Variants in NRIP1 observed in about 807,000 individuals in gnomAD.
NRIP1 encodes the protein nuclear receptor interacting protein 1.
NRIP1 carries 28 observed loss-of-function variants against 75.0 expected under a neutral mutation model. The ratio of observed to expected loss-of-function variants is 0.37; its 90% CI spans 0.28 to 0.51. The LOEUF (loss-of-function observed/expected upper bound fraction) is 0.51, where lower values mean the gene tolerates loss of function less well. NRIP1 is among the 20% of genes least tolerant of loss of function. The probability of loss-of-function intolerance (pLI) is 0.92; values close to 1 mark genes in which losing one functional copy is unlikely to be tolerated. For synonymous variants in NRIP1, 526 were observed against 487.6 expected (o/e 1.08, Z -1.04); for missense variants, 1,435 against 1,343.7 (o/e 1.07, Z -1.06).
rs2086731537 is a variant in NRIP1 at position 14,966,134 on chromosome 21, A to G, written c.2059T>C (p.Phe687Leu). ...KTNAVEENKA[F>L]SSQPTGPEPG... ...TCAGGACCTGTTGGTTGACTACTAA[A>G]TGCTTTATTTTCTTCAACTGCATTT... Residue 687 changes from phenylalanine to leucine, a missense_variant, in exon 4 of 4, where the codon TTT becomes CTT. By Grantham distance (22) the Phe-to-Leu change is conservative (BLOSUM62 0). Coordinates refer to ENST00000318948, the MANE Select transcript of NRIP1 (RefSeq NM_003489.4). 6.2e-7 allele frequency: 1 copy of G among 1,612,916 alleles called. No homozygotes were observed. The highest frequency in any genetic ancestry group is 8.5e-7 in the Non-Finnish European group (1 of 1,179,962).
chr21:14,993,519 C>A (rs2087629714), intron 3 of NRIP1, among the ~76,000 whole-genome samples: 1 of 152,074 alleles, frequency 6.6e-6, no homozygotes, highest in Non-Finnish European at 1.5e-5. Context: ...TGTGTCTGAG[C>A]CTCAGTTTAA....
chr21:15,021,126 A>G (rs2178893), intron 2 of NRIP1, among the ~76,000 whole-genome samples: 19,601 of 152,190 alleles, frequency 0.13, 1,413 homozygotes, highest in East Asian at 0.32. Flanking sequence ...TGATATCAGC[A>G]TCAATCATAA....
intron 3 of NRIP1, among the ~76,000 whole-genome samples, chr21:14,985,412 T>A (rs1430631157): frequency 6.6e-6 from 1 of 152,190 alleles, no homozygotes; most frequent in Non-Finnish European, 1.5e-5. Flanking sequence ...TACAGAGAGT[T>A]CTGTGGGTTT....
At chr21:15,031,532 G>C (rs2044813605) in intron 2 of NRIP1, among the ~76,000 whole-genome samples, 1 of 145,020 alleles carries the variant, frequency 6.9e-6, no homozygotes, top group Non-Finnish European at 1.5e-5. Flanking sequence ...TATACACTCT[G>C]GAAGGCGGTT....
intron 3 of NRIP1, among the ~76,000 whole-genome samples, chr21:14,995,028 A>C (rs2087683047): frequency 6.6e-6 from 1 of 152,230 alleles, no homozygotes; most frequent in South Asian, 2.1e-4. Context: ...AACAATAAAA[A>C]CCCAAAGGGT....
At chr21:14,974,521 C>T (rs1463563781) in intron 3 of NRIP1, among the ~76,000 whole-genome samples, 1 of 152,208 alleles carries the variant, frequency 6.6e-6, no homozygotes, top group African/African-American at 2.4e-5. Flanking sequence ...TGTATCATCT[C>T]TTTCTTTACA....
At chr21:14,988,499 A>G (rs2403869) in intron 3 of NRIP1, among the ~76,000 whole-genome samples, 29,567 of 131,362 alleles carry the variant, frequency 0.23, 2,999 homozygotes, top group Admixed American at 0.29. Context: ...GTATATATAT[A>G]TGTGTGTGTG....
chr21:15,015,480 T>C (rs999055503), intron 2 of NRIP1, among the ~76,000 whole-genome samples: 8 of 152,150 alleles, frequency 5.3e-5, no homozygotes, highest in African/African-American at 1.9e-4. Context: ...AGATTTATCC[T>C]AATTAAAAAA....
chr21:15,024,847 A>C (rs557571561), intron 2 of NRIP1, among the ~76,000 whole-genome samples: 62 of 152,202 alleles, frequency 4.1e-4, no homozygotes, highest in Non-Finnish European at 7.9e-4. Flanking sequence ...TTAAGTATAT[A>C]ATGTACGAAA....
chr21:15,019,347 C>T lies in NRIP1; in HGVS notation c.-457-4881G>A, dbSNP rs2088311549. Among the ~76,000 whole-genome samples the T allele has an allele frequency of 2.7e-5, 4 of 150,032 alleles. No homozygotes were observed. The South Asian group carries it at 8.4e-4, about 31-fold the overall frequency. ...AGACTGAAAAAGAAGTCAAAATTAT[C>T]CTTATATGCAGGTAACATGATCTTG... On this transcript the variant is annotated intron_variant, in intron 2 of 3. Coordinates refer to ENST00000318948, the MANE Select transcript of NRIP1 (RefSeq NM_003489.4).
chr21:14,973,218 C>T (rs527877139), intron 3 of NRIP1, among the ~76,000 whole-genome samples: 4 of 148,930 alleles, frequency 2.7e-5, no homozygotes, highest in Non-Finnish European at 4.4e-5. Context: ...TGGCTTATGG[C>T]GGATGAGAAG....
At chr21:15,058,893 T>C (rs538513949) in intron 1 of NRIP1, among the ~76,000 whole-genome samples, 6 of 152,284 alleles carry the variant, frequency 3.9e-5, no homozygotes, top group African/African-American at 1.4e-4. Flanking sequence ...GACTTTTACA[T>C]AGTACCCTCA....
intron 3 of NRIP1, among the ~76,000 whole-genome samples, chr21:14,974,505 C>A (rs544177969): frequency 6.6e-6 from 1 of 152,328 alleles, no homozygotes; most frequent in East Asian, 1.9e-4. Flanking sequence ...TGAATTACTT[C>A]ATTTCTGTAT....
intron 3 of NRIP1, among the ~76,000 whole-genome samples, chr21:15,006,801 C>A (rs769707758): frequency 3.3e-5 from 5 of 152,044 alleles, no homozygotes; most frequent in Non-Finnish European, 7.4e-5. Context: ...GTGCACAGTG[C>A]CGGTGATTTT....
chr21:15,064,360 G>A (rs906851921), intron 1 of NRIP1, among the ~76,000 whole-genome samples: 1 of 152,212 alleles, frequency 6.6e-6, no homozygotes, highest in South Asian at 2.1e-4. Flanking sequence ...ACAGCAGGAC[G>A]GAGAGCGGCG....
chr21:14,969,502 G>A (rs1469464638), intron 3 of NRIP1, among the ~76,000 whole-genome samples: 1 of 152,126 alleles, frequency 6.6e-6, no homozygotes, highest in Non-Finnish European at 1.5e-5. Flanking sequence ...GAAGAAGCAA[G>A]AACTCATTGC....
At chr21:15,051,722 G>A (rs943445654) in intron 1 of NRIP1, 3 of 152,104 alleles carry the variant, frequency 2.0e-5, no homozygotes, top group South Asian at 2.1e-4. Flanking sequence ...TTTACCAGAC[G>A]GGCACACAAA....
At position 14,965,785 on chromosome 21, in the gene NRIP1, G is replaced by A. The variant is rs61750208; in HGVS notation, c.2408C>T (p.Ser803Leu). The A allele has an allele frequency of 0.02, 31,480 of 1,613,952 alleles. 393 individuals carry two copies. The highest frequency in any genetic ancestry group is 0.023 in the Non-Finnish European group (26,937 of 1,179,952). Residue 803 changes from serine to leucine, a missense_variant, in exon 4 of 4, where the codon TCG becomes TTG. Transcript: ENST00000318948. ...AAAATCCTGAGGTGAAACAGGCTCC[G>A]ATTTAAAGTCTTCGGACACTGGTAA... The part of the protein sequence containing the change: ...PALPVSEDFK[S>L]EPVSPQDFSF...
chr21:15,055,119 G>A (rs1241497888), intron 1 of NRIP1, among the ~76,000 whole-genome samples: 1 of 152,152 alleles, frequency 6.6e-6, no homozygotes, highest in Non-Finnish European at 1.5e-5. Flanking sequence ...ATCACCACTG[G>A]TCCACACAGT....
Sources: allele counts gnomAD v4.1 joint callset (sites outside exome capture counted in the v4.1 genomes callset), GRCh38; gene constraint gnomAD v4.1.1; transcripts MANE v1.5; gene names NCBI Gene and HGNC (gene_info 2026-07-23, HGNC 2026-07-21).